CLNK: variants seen among roughly 807,000 people sequenced by gnomAD.
CLNK encodes the protein cytokine dependent hematopoietic cell linker, also known as cytokine-dependent hematopoietic cell linker.
Under a neutral mutation model 68.6 loss-of-function variants are expected in CLNK, and 74 were observed. That is an observed-to-expected ratio of 1.08 (90% confidence interval 0.89 to 1.31). The LOEUF is 1.31. Among genes scored for constraint, CLNK ranks in the 50% most tolerant of loss-of-function variants. CLNK has a pLI of 0.00. For synonymous variants in CLNK, 198 were observed against 172.2 expected, an observed-to-expected ratio of 1.15 and a Z score of -1.17; for missense variants, 553 against 515.3, an observed-to-expected ratio of 1.07 and a Z score of -0.71.
the CLNK span, among the ~76,000 whole-genome samples, chr4:10,690,458 G>T: frequency 9.2e-5 from 14 of 152,162 alleles, no homozygotes; most frequent in African/African-American, 2.9e-4. Flanking sequence ...AATGTAGAAA[G>T]AGCTGTTTTT....
intron 17 of CLNK, among the ~76,000 whole-genome samples, chr4:10,507,436 TTTTATTTATTTATTTATTTA>T (rs113177804): frequency 4.9e-5 from 7 of 142,906 alleles, no homozygotes; most frequent in African/African-American, 1.6e-4. Context: ...TGTTTTCTGT[TTTTATTTATTTATTTATTTA>T]TTTATTTATT....
the CLNK span, among the ~76,000 whole-genome samples, chr4:10,698,539 C>T: frequency 1.3e-5 from 2 of 152,216 alleles, no homozygotes; most frequent in Non-Finnish European, 2.9e-5. Flanking sequence ...TTGGTGCTCT[C>T]TGCTTTTTCC....
At chr4:10,674,151 T>C (rs1560273988) in intron 1 of CLNK, among the ~76,000 whole-genome samples, 1 of 152,072 alleles carries the variant, frequency 6.6e-6, no homozygotes, top group Non-Finnish European at 1.5e-5. Context: ...AAGGAAGCTC[T>C]GAAGGTATCA....
chr4:10,535,227 GAAAGAA>G (rs1560205632), intron 11 of CLNK, among the ~76,000 whole-genome samples: 9 of 81,748 alleles, frequency 1.1e-4, no homozygotes, highest in Admixed American at 1.0e-3. Flanking sequence ...AAGAAAGAAA[GAAAGAA>G]AGAAAGAAAG....
At chr4:10,614,633 G>A (rs557064551) in intron 2 of CLNK, among the ~76,000 whole-genome samples, 7 of 152,294 alleles carry the variant, frequency 4.6e-5, no homozygotes, top group South Asian at 4.1e-4. Flanking sequence ...CCACTGAACC[G>A]AAATCTGCAT....
At chr4:10,589,709 T>C (rs1721116166) in intron 3 of CLNK, among the ~76,000 whole-genome samples, 1 of 152,126 alleles carries the variant, frequency 6.6e-6, no homozygotes, top group East Asian at 1.9e-4. Context: ...AGATGGATTG[T>C]GGACATTGTC....
At chr4:10,674,445 A>G (rs1724792127) in intron 1 of CLNK, among the ~76,000 whole-genome samples, 1 of 152,266 alleles carries the variant, frequency 6.6e-6, no homozygotes, top group Non-Finnish European at 1.5e-5. Context: ...CAAAAGGGCC[A>G]GAATATGCTC....
At chr4:10,551,607 C>CACTATGAAATACAATCAGAAATA (rs936221036) in intron 8 of CLNK, among the ~76,000 whole-genome samples, 4 of 152,076 alleles carry the variant, frequency 2.6e-5, no homozygotes, top group Admixed American at 2.6e-4. Context: ...CATGCAATAA[C>CACTATGAAATACAATCAGAAATA]ACTATGAAAT....
At chr4:10,580,175 T>C (rs1720726077) in intron 4 of CLNK, among the ~76,000 whole-genome samples, 1 of 152,214 alleles carries the variant, frequency 6.6e-6, no homozygotes, top group African/African-American at 2.4e-5. Flanking sequence ...TATCATTACC[T>C]AATGATGTTG....
At chr4:10,591,920 G>A (rs1721191465) in intron 3 of CLNK, among the ~76,000 whole-genome samples, 1 of 152,180 alleles carries the variant, frequency 6.6e-6, no homozygotes, top group Admixed American at 6.5e-5. Context: ...AATATTTGGG[G>A]CATGTAATTC....
Position 10,488,824 on chromosome 4 carries a change from G to A in CLNK, c.*1643C>T, listed in dbSNP as rs1397653521. ...GATAATCCTGCACATTGTTTTTATTGTTTTCATTTGCTTCTATTGCCTTTT... is the reference window on the plus strand; with the variant it reads ...GATAATCCTGCACATTGTTTTTATTATTTTCATTTGCTTCTATTGCCTTTT... On this transcript the variant is annotated 3_prime_UTR_variant, in exon 19 of 19. Coordinates refer to ENST00000226951, the MANE Select transcript of CLNK (RefSeq NM_052964.4). 2 of 152,048 alleles carry A rather than the reference G, an allele frequency of 1.3e-5. No individual in the cohort carries two copies. The highest frequency in any genetic ancestry group is 2.9e-5 in the Non-Finnish European group (2 of 67,996). 9.4% of individuals were successfully genotyped at this position (152,048 alleles called of 1,614,324 possible). A position where few individuals can be genotyped will look rare whatever the true frequency, so the allele number is the denominator to read the frequency against.
the CLNK span, among the ~76,000 whole-genome samples, chr4:10,699,512 ATT>A: frequency 9.2e-4 from 30 of 32,762 alleles, 1 homozygote; most frequent in East Asian, 0.018. Context: ...ATATATATAT[ATT>A]TTTTTTTTTT....
chr4:10,732,576 GC>G, the CLNK span, among the ~76,000 whole-genome samples: 1 of 152,146 alleles, frequency 6.6e-6, no homozygotes, highest in East Asian at 1.9e-4. Flanking sequence ...ATGGGGACTA[GC>G]CTTTTACATT....
At chr4:10,519,553 C>A (rs1159796577) in intron 15 of CLNK, among the ~76,000 whole-genome samples, 1 of 152,148 alleles carries the variant, frequency 6.6e-6, no homozygotes, top group Non-Finnish European at 1.5e-5. Flanking sequence ...TATTTTAGCC[C>A]TCTTTGGGCA....
intron 4 of CLNK, among the ~76,000 whole-genome samples, chr4:10,572,556 T>G (rs1009099816): frequency 6.6e-6 from 1 of 152,248 alleles, no homozygotes; most frequent in African/African-American, 2.4e-5. Context: ...CAGGGAGCAT[T>G]TGAAACAATT....
At chr4:10,605,891 A>C (rs1721770975) in intron 2 of CLNK, among the ~76,000 whole-genome samples, 1 of 151,876 alleles carries the variant, frequency 6.6e-6, no homozygotes, top group Admixed American at 6.6e-5. Context: ...TGTATAAGGC[A>C]CTTACCATGA....
chr4:10,645,607 T>C (rs1359252171), intron 2 of CLNK, among the ~76,000 whole-genome samples: 1 of 152,112 alleles, frequency 6.6e-6, no homozygotes, highest in Non-Finnish European at 1.5e-5. Context: ...TATACCATAA[T>C]ATATGTACCA....
chr4:10,726,138 C>T, the CLNK span, among the ~76,000 whole-genome samples: 1 of 152,094 alleles, frequency 6.6e-6, no homozygotes, highest in African/African-American at 2.4e-5. Context: ...GCTAGCATCA[C>T]CCTAGACCCC....
At chr4:10,499,720 G>A (rs761629938) in intron 18 of CLNK, among the ~76,000 whole-genome samples, 1 of 152,196 alleles carries the variant, frequency 6.6e-6, no homozygotes, top group Non-Finnish European at 1.5e-5. Context: ...TTTCTTCGCA[G>A]TTCTCGAGGC....
Sources: allele counts gnomAD v4.1 joint callset (sites outside exome capture counted in the v4.1 genomes callset), GRCh38; gene constraint gnomAD v4.1.1; transcripts MANE v1.5; gene names NCBI Gene and HGNC (gene_info 2026-07-23, HGNC 2026-07-21).